Variants in ADAM32 observed in about 807,000 individuals in gnomAD.
ADAM32 encodes the protein ADAM metallopeptidase domain 32, also known as disintegrin and metalloproteinase domain-containing protein 32.
Under a neutral mutation model 114.9 loss-of-function variants are expected in ADAM32, and 89 were observed. The ratio of observed to expected loss-of-function variants is 0.77; its 90% confidence interval spans 0.65 to 0.92. The LOEUF (loss-of-function observed/expected upper bound fraction) is 0.92. Ranked by LOEUF, ADAM32 falls within the 40% of genes least tolerant of loss-of-function variation. The probability of loss-of-function intolerance (pLI) is 0.00; values close to 1 mark genes in which losing one functional copy is unlikely to be tolerated. For missense variants in ADAM32, 870 were observed against 932.8 expected (o/e 0.93, Z 0.88); for synonymous variants, 285 against 307.5 (o/e 0.93, Z 0.77).
At chr8:39,212,732 G>A (rs983387453) in intron 12 of ADAM32, among the ~76,000 whole-genome samples, 1 of 152,118 alleles carries the variant, frequency 6.6e-6, no homozygotes, top group Non-Finnish European at 1.5e-5. Flanking sequence ...GGACATTTAA[G>A]TTGTTAAACT....
chr8:39,173,577 G>T (rs1585454915), intron 10 of ADAM32, among the ~76,000 whole-genome samples: 2 of 151,828 alleles, frequency 1.3e-5, no homozygotes, highest in African/African-American at 4.8e-5. Flanking sequence ...TTATGAGATG[G>T]ATAGATTGCA....
chr8:39,134,904 C>G (rs1802694128), intron 2 of ADAM32, among the ~76,000 whole-genome samples: 1 of 152,112 alleles, frequency 6.6e-6, no homozygotes, highest in Non-Finnish European at 1.5e-5. Flanking sequence ...GCCTGTAATC[C>G]TAGCACTTTG....
chr8:39,225,791 T>TC (rs1047552852), intron 14 of ADAM32, among the ~76,000 whole-genome samples: 5 of 151,738 alleles, frequency 3.3e-5, no homozygotes, highest in Non-Finnish European at 5.9e-5. Flanking sequence ...GAGTAAGATT[T>TC]TTTTTTTTAA....
intron 1 of ADAM32, among the ~76,000 whole-genome samples, chr8:39,110,706 T>C (rs890216049): frequency 1.3e-5 from 2 of 152,254 alleles, no homozygotes; most frequent in Non-Finnish European, 2.9e-5. Context: ...TTATAAATTA[T>C]ATGCATAACT....
chr8:39,233,439 A>C (rs1041834630), intron 15 of ADAM32, among the ~76,000 whole-genome samples: 2 of 152,208 alleles, frequency 1.3e-5, no homozygotes, highest in African/African-American at 4.8e-5. Context: ...ATGCTAATGC[A>C]TTATAATTAG....
intron 10 of ADAM32, among the ~76,000 whole-genome samples, chr8:39,181,955 G>C (rs1442639993): frequency 6.6e-6 from 1 of 152,196 alleles, no homozygotes; most frequent in Non-Finnish European, 1.5e-5. Context: ...AAAATTGTGG[G>C]AGGAGATAAA....
At chr8:39,222,950 C>G in intron 13 of ADAM32, 90 bp from the exon 14 acceptor site, 1 of 1,123,370 alleles carries the variant, frequency 8.9e-7, no homozygotes, top group Non-Finnish European at 1.2e-6. Flanking sequence ...TAGACTAAAG[C>G]GAAAATGATT....
At chr8:39,233,374 G>A (rs1301213676) in intron 15 of ADAM32, among the ~76,000 whole-genome samples, 1 of 152,182 alleles carries the variant, frequency 6.6e-6, no homozygotes, top group African/African-American at 2.4e-5. Context: ...GTAACTTCTT[G>A]ATGTTGCTGT....
At chr8:39,197,008 C>A (rs182471524) in intron 11 of ADAM32, among the ~76,000 whole-genome samples, 1 of 152,174 alleles carries the variant, frequency 6.6e-6, no homozygotes, top group African/African-American at 2.4e-5. Context: ...ATTATTGATT[C>A]AGTCTCATTA....
chr8:39,174,680 A>G (rs559713509), intron 10 of ADAM32, among the ~76,000 whole-genome samples: 4 of 108,654 alleles, frequency 3.7e-5, no homozygotes, highest in Admixed American at 1.2e-4. Context: ...CCACAACAGT[A>G]CCCAGAGTGT....
At chr8:39,116,890 C>CT (rs35222823) in intron 1 of ADAM32, among the ~76,000 whole-genome samples, 34,321 of 147,620 alleles carry the variant, frequency 0.23, 4,466 homozygotes, top group Non-Finnish European at 0.29. Flanking sequence ...ATTATGGTTA[C>CT]TTTTTTTTTT....
Position 39,227,823 on chromosome 8 carries a change from C to T in ADAM32, c.1526-4204C>T, listed in dbSNP as rs150393322. On this transcript the variant is annotated intron_variant, in intron 14 of 24. Transcript: ENST00000379907. Reference sequence around the variant, plus strand: ...CCACCACTGGTCCCTCTCCATACTACCACAGCTGATGCTCTCTGGAAAGGA... The same window carrying T: ...CCACCACTGGTCCCTCTCCATACTATCACAGCTGATGCTCTCTGGAAAGGA... Among the ~76,000 whole-genome samples the T allele has an allele frequency of 6.8e-3, 1,030 of 152,292 alleles. 25 individuals are homozygous for T. The highest frequency in any genetic ancestry group is 0.045 in the East Asian group (232 of 5,170).
chr8:39,202,831 G>A lies in ADAM32; in HGVS notation c.1053-8313G>A, dbSNP rs568270237. On this transcript the variant is annotated intron_variant, in intron 11 of 24. Coordinates refer to ENST00000379907, the MANE Select transcript of ADAM32 (RefSeq NM_145004.7). The stretch of plus-strand genomic sequence containing the variant: ...TGTCCCAGAGATTCTGGTATGTTGT[G>A]TCTTTGTTTTTGTTGGTTTCAAAGA... Among the ~76,000 whole-genome samples the A allele has an allele frequency of 3.9e-5, 6 of 152,258 alleles. No individual in the cohort carries two copies. In the East Asian group the frequency reaches 1.2e-3, roughly 29 times the overall value.
intron 10 of ADAM32, among the ~76,000 whole-genome samples, chr8:39,184,485 C>T (rs1302557957): frequency 6.6e-6 from 1 of 152,198 alleles, no homozygotes; most frequent in South Asian, 2.1e-4. Context: ...ACTACCTGAC[C>T]TCCATAAGCC....
chr8:39,185,440 A>G (rs531734522), intron 10 of ADAM32, among the ~76,000 whole-genome samples: 1 of 152,314 alleles, frequency 6.6e-6, no homozygotes, highest in East Asian at 1.9e-4. Context: ...AGTGTCTTGA[A>G]GGAAATATCC....
chr8:39,213,828 C>G (rs191507935), intron 12 of ADAM32, among the ~76,000 whole-genome samples: 5 of 152,222 alleles, frequency 3.3e-5, no homozygotes, highest in African/African-American at 1.2e-4. Context: ...TGTCCCCTCC[C>G]CACCTGCCCA....
chr8:39,197,804 A>G (rs528356435), intron 11 of ADAM32, among the ~76,000 whole-genome samples: 1 of 152,274 alleles, frequency 6.6e-6, no homozygotes, highest in East Asian at 1.9e-4. Flanking sequence ...ATTAGATGAA[A>G]TCTTCCATAT....
intron 22 of ADAM32, 107 bp downstream of exon 22, chr8:39,275,973 A>T: frequency 9.3e-7 from 1 of 1,079,106 alleles, no homozygotes; most frequent in Non-Finnish European, 1.3e-6. Context: ...CTGAGTAGCC[A>T]CAATTAGTAA....
chr8:39,228,544 G>T (rs767606004), intron 14 of ADAM32, among the ~76,000 whole-genome samples: 34 of 152,172 alleles, frequency 2.2e-4, no homozygotes, highest in African/African-American at 8.2e-4. Flanking sequence ...CCTCTGGAAA[G>T]TCTTAGCAAT....
Sources: gnomAD v4.1 joint callset for allele counts (sites outside exome capture counted in the v4.1 genomes callset) on GRCh38, gnomAD v4.1.1 for gene constraint, MANE v1.5 for transcripts, NCBI Gene and HGNC (gene_info 2026-07-23, HGNC 2026-07-21) for gene names.